The following FRMD3 variants were observed in gnomAD, a reference collection of about 807,000 sequenced individuals.
FRMD3 encodes the protein FERM domain containing 3.
FRMD3 carries 33 observed loss-of-function variants against 70.2 expected under a neutral mutation model. The observed-to-expected ratio is 0.47, with a 90% CI of 0.36 to 0.63. The LOEUF (loss-of-function observed/expected upper bound fraction) is 0.63, where lower values mean the gene tolerates loss of function less well. Among genes scored for constraint, FRMD3 ranks in the 20% least tolerant of loss-of-function variants. The pLI, the probability that FRMD3 is intolerant of heterozygous loss-of-function variation, is 0.00. For synonymous variants in FRMD3, 279 were observed against 255.9 expected, an observed-to-expected ratio of 1.09 and a Z score of -0.86; for missense variants, 632 against 711.4, an observed-to-expected ratio of 0.89 and a Z score of 1.27.
At chr9:83,353,016 G>A (rs1216323080) in intron 3 of FRMD3, among the ~76,000 whole-genome samples, 1 of 152,164 alleles carries the variant, frequency 6.6e-6, no homozygotes, top group Non-Finnish European at 1.5e-5. Context: ...GAAGGGATGA[G>A]AGCTGGCGGC....
chr9:83,372,736 G>A (rs527375836), intron 3 of FRMD3, among the ~76,000 whole-genome samples, 177 bp downstream of exon 3: 57 of 152,068 alleles, frequency 3.7e-4, no homozygotes, highest in Non-Finnish European at 7.4e-4. Context: ...TGGTGCAGAC[G>A]AGGGTCATAG....
chr9:83,301,144 T>TG (rs200043983), intron 10 of FRMD3, among the ~76,000 whole-genome samples: 41 of 151,816 alleles, frequency 2.7e-4, no homozygotes, highest in East Asian at 1.2e-3. Flanking sequence ...GCCATGGCCC[T>TG]GGGGGGGGCC....
intron 3 of FRMD3, among the ~76,000 whole-genome samples, chr9:83,367,164 G>A (rs1824816666): frequency 6.6e-6 from 1 of 152,198 alleles, no homozygotes; most frequent in African/African-American, 2.4e-5. Context: ...TTGTTTGAAG[G>A]CAATCTGTTA....
intron 1 of FRMD3, among the ~76,000 whole-genome samples, chr9:83,510,844 CT>C (rs886979493): frequency 5.3e-4 from 81 of 152,072 alleles, no homozygotes; most frequent in Non-Finnish European, 5.4e-4. Context: ...TAAATTCCCC[CT>C]AGGATTGGGG....
At chr9:83,423,780 G>C (rs1826718832) in intron 1 of FRMD3, among the ~76,000 whole-genome samples, 1 of 151,670 alleles carries the variant, frequency 6.6e-6, no homozygotes, top group African/African-American at 2.4e-5. Flanking sequence ...TATTTTTGCA[G>C]AGTTGGGGTT....
rs916165173 is a variant in FRMD3, at chr9:83,290,509, A to G, written c.1195+94T>C. 2.8e-6 allele frequency: 4 copies of G among 1,414,708 alleles called. No individual in the cohort carries two copies. In the African/African-American group the frequency reaches 5.6e-5, roughly 20 times the overall value. The allele number at this position is 1,414,708 out of a possible 1,614,324, so 87.6% of individuals were successfully genotyped here. The stretch of plus-strand genomic sequence containing the variant: ...ATGGCCCACTCCACCCCATACACTA[A>G]TCAATTACCCATCATATGCAGAATT... On this transcript the variant is annotated intron_variant, in intron 13 of 13. Coordinates refer to ENST00000304195, the MANE Select transcript of FRMD3 (RefSeq NM_174938.6).
At chr9:83,467,855 T>TA in intron 1 of FRMD3, 4 of 1,305,800 alleles carry the variant, frequency 3.1e-6, no homozygotes, top group Non-Finnish European at 4.0e-6. Context: ...GATGGTTTTT[T>TA]AAAAAAGTTA....
At chr9:83,308,154 T>C (rs1008434808) in intron 10 of FRMD3, among the ~76,000 whole-genome samples, 1 of 152,158 alleles carries the variant, frequency 6.6e-6, no homozygotes, top group Admixed American at 6.5e-5. Context: ...ATGGGTTTCC[T>C]GGGACATGGG....
chr9:83,372,286 G>A (rs1824997857), intron 3 of FRMD3, among the ~76,000 whole-genome samples: 1 of 151,486 alleles, frequency 6.6e-6, no homozygotes, highest in African/African-American at 2.4e-5. Flanking sequence ...CAGGGTCCCA[G>A]GTGGATGACC....
intron 1 of FRMD3, among the ~76,000 whole-genome samples, chr9:83,450,347 GTTTT>G (rs763340189): frequency 0.041 from 4,593 of 111,532 alleles, 82 homozygotes; most frequent in East Asian, 0.13. Context: ...GTCACCCTCA[GTTTT>G]TTTTTTTTTT....
intron 2 of FRMD3, among the ~76,000 whole-genome samples, chr9:83,375,693 A>G (rs1438840459): frequency 6.6e-6 from 1 of 152,202 alleles, no homozygotes; most frequent in Non-Finnish European, 1.5e-5. Context: ...CATAGAGGGG[A>G]ACAACACACA....
At chr9:83,426,257 C>T (rs1826807771) in intron 1 of FRMD3, among the ~76,000 whole-genome samples, 1 of 152,238 alleles carries the variant, frequency 6.6e-6, no homozygotes, top group Non-Finnish European at 1.5e-5. Context: ...CCATTGTCCT[C>T]AATAGGGAAA....
chr9:83,390,365 G>A (rs7854453), intron 1 of FRMD3, among the ~76,000 whole-genome samples: 65,700 of 152,024 alleles, frequency 0.43, 14,585 homozygotes, highest in Admixed American at 0.49. Context: ...AATGCTGTGA[G>A]TGGTAACTAA....
intron 1 of FRMD3, among the ~76,000 whole-genome samples, chr9:83,399,931 G>A (rs983177650): frequency 6.6e-6 from 1 of 152,076 alleles, no homozygotes; most frequent in African/African-American, 2.4e-5. Context: ...AGGCAAAGAT[G>A]TCCTCTCTTA....
chr9:83,466,152 AC>A (rs534468768), intron 1 of FRMD3, among the ~76,000 whole-genome samples: 121 of 152,228 alleles, frequency 7.9e-4, no homozygotes, highest in African/African-American at 2.7e-3. Flanking sequence ...TGCTATCAGG[AC>A]TCTGGAATTC....
At chr9:83,566,094 C>T in the FRMD3 span, among the ~76,000 whole-genome samples, 2 of 152,120 alleles carry the variant, frequency 1.3e-5, no homozygotes, top group African/African-American at 2.4e-5. Flanking sequence ...GAGACATACC[C>T]GAGACTGAGA....
intron 1 of FRMD3, among the ~76,000 whole-genome samples, chr9:83,513,930 C>T (rs1829395004): frequency 6.6e-6 from 1 of 152,180 alleles, no homozygotes; most frequent in Non-Finnish European, 1.5e-5. Context: ...TGCATTCTGG[C>T]CCAGATACTA....
chr9:83,463,814 G>A (rs537472888), intron 1 of FRMD3, among the ~76,000 whole-genome samples: 33 of 152,280 alleles, frequency 2.2e-4, no homozygotes, highest in African/African-American at 3.6e-4. Context: ...AAAGAAATTG[G>A]GCCCTTGCCC....
intron 6 of FRMD3, among the ~76,000 whole-genome samples, chr9:83,328,567 G>A (rs1048648817): frequency 6.6e-6 from 1 of 152,188 alleles, no homozygotes; most frequent in Admixed American, 6.5e-5. Flanking sequence ...AGTCAAAACT[G>A]TCTTTGACTA....
Sources: gnomAD v4.1 joint callset for allele counts (sites outside exome capture counted in the v4.1 genomes callset) on GRCh38, gnomAD v4.1.1 for gene constraint, MANE v1.5 for transcripts, NCBI Gene and HGNC (gene_info 2026-07-23, HGNC 2026-07-21) for gene names.